Variants in KSR2 observed in about 807,000 individuals in gnomAD.
KSR2 encodes kinase suppressor of ras 2.
In KSR2, 25 loss-of-function variants were observed where a neutral mutation model predicts 107.8. That is an observed-to-expected ratio of 0.23 (90% CI 0.17 to 0.32). The LOEUF is 0.32. Among genes scored for constraint, KSR2 ranks in the 10% least tolerant of loss-of-function variants. The probability of loss-of-function intolerance (pLI) is 1.00; values close to 1 mark genes in which losing one functional copy is unlikely to be tolerated. For synonymous variants in KSR2, 480 were observed against 507.0 expected (o/e 0.95, Z 0.71); for missense variants, 887 against 1,268.9 (o/e 0.70, Z 4.57).
chr12:117,563,010 G>A (rs1306014110), intron 7 of KSR2, among the ~76,000 whole-genome samples: 1 of 152,166 alleles, frequency 6.6e-6, no homozygotes, highest in Non-Finnish European at 1.5e-5. Context: ...GGAGACAGAG[G>A]GAAGAGGGAC....
At chr12:117,595,969 A>C (rs10129056) in intron 5 of KSR2, among the ~76,000 whole-genome samples, 4 of 151,864 alleles carry the variant, frequency 2.6e-5, no homozygotes, top group Non-Finnish European at 5.9e-5. Flanking sequence ...GACATAGGAA[A>C]GAAGGGCTGA....
At chr12:117,782,313 G>A (rs1274031121) in intron 3 of KSR2, among the ~76,000 whole-genome samples, 1 of 152,174 alleles carries the variant, frequency 6.6e-6, no homozygotes, top group African/African-American at 2.4e-5. Context: ...GCCCAGGCTG[G>A]AGTGCAGTGG....
Position 117,959,885 on chromosome 12 carries a change from A to G in KSR2, c.180+8191T>C, listed in dbSNP as rs533331901. On this transcript the variant is annotated intron_variant, in intron 1 of 19. Coordinates refer to ENST00000339824, the MANE Select transcript of KSR2 (RefSeq NM_173598.6). ...GGTCGAGGCTTCAGTGAGCCATGAC[A>G]GTGCCACTGCACTGCAGCCTGGGTG... 2.0e-5 allele frequency among the ~76,000 whole-genome samples: 3 copies of G among 150,944 alleles called. No individual in the cohort carries two copies. The East Asian group carries it at 6.0e-4, about 30-fold the overall frequency.
chr12:117,777,167 T>C (rs1448313017), intron 3 of KSR2, among the ~76,000 whole-genome samples: 2 of 124,828 alleles, frequency 1.6e-5, no homozygotes, highest in African/African-American at 6.3e-5. Context: ...ACACCATACA[T>C]ATATACACTA....
At chr12:117,485,750 AACAGTTACT>A in intron 14 of KSR2, 59 bp from the exon 15 acceptor site, 1 of 1,141,824 alleles carries the variant, frequency 8.8e-7, no homozygotes. Context: ...GGTGACCCAC[AACAGTTACT>A]ACAAGTGACA....
Position 117,962,570 on chromosome 12 carries a change from G to A in KSR2, c.180+5506C>T, listed in dbSNP as rs61945418. Among the ~76,000 whole-genome samples the A allele has an allele frequency of 1.4e-4, 21 of 151,386 alleles. No homozygotes were observed. In the East Asian group the frequency reaches 1.8e-3, roughly 13 times the overall value. On this transcript the variant is annotated intron_variant, in intron 1 of 19. Transcript: ENST00000339824. ...AGTGATTCTCCTGCCTTAGCCTCCCGAGTAGTTGGGATTACAGGTACCCGC... is the reference window on the plus strand; with the variant it reads ...AGTGATTCTCCTGCCTTAGCCTCCCAAGTAGTTGGGATTACAGGTACCCGC...
intron 5 of KSR2, among the ~76,000 whole-genome samples, chr12:117,587,842 G>C (rs1880100307): frequency 1.3e-5 from 2 of 152,140 alleles, no homozygotes; most frequent in Non-Finnish European, 2.9e-5. Context: ...ACGCTGTGCT[G>C]GGCAGTATGC....
chr12:117,860,881 G>T (rs1893268564), intron 1 of KSR2, among the ~76,000 whole-genome samples: 1 of 152,164 alleles, frequency 6.6e-6, no homozygotes, highest in South Asian at 2.1e-4. Context: ...ACCATGCCTG[G>T]CTAATTTTTG....
intron 4 of KSR2, among the ~76,000 whole-genome samples, chr12:117,720,732 C>G (rs1388773466): frequency 2.0e-5 from 3 of 152,140 alleles, no homozygotes; most frequent in Non-Finnish European, 4.4e-5. Flanking sequence ...GGTCCCTATT[C>G]TTGACAAGGG....
chr12:117,809,736 T>C (rs984001786), intron 3 of KSR2, among the ~76,000 whole-genome samples: 8 of 152,210 alleles, frequency 5.3e-5, no homozygotes. Context: ...GTCCATTTTG[T>C]TCTCTGCTGT....
intron 5 of KSR2, among the ~76,000 whole-genome samples, chr12:117,658,789 C>T (rs1884295898): frequency 6.6e-6 from 1 of 152,084 alleles, no homozygotes; most frequent in Non-Finnish European, 1.5e-5. Flanking sequence ...TTGAAACAAA[C>T]CCAACCCCCC....
At chr12:117,820,055 G>GTTTTCTTTT (rs1463894838) in intron 3 of KSR2, among the ~76,000 whole-genome samples, 2 of 152,126 alleles carry the variant, frequency 1.3e-5, no homozygotes, top group East Asian at 3.8e-4. Flanking sequence ...GGGTGATTTG[G>GTTTTCTTTT]TTTTCTTTTT....
intron 3 of KSR2, among the ~76,000 whole-genome samples, chr12:117,829,503 T>C (rs533201249): frequency 6.6e-6 from 1 of 152,328 alleles, no homozygotes; most frequent in South Asian, 2.1e-4. Context: ...GTACCTAACA[T>C]GGGGCTTGGC....
chr12:117,456,307 G>C lies in KSR2; in HGVS notation c.*10892C>G, dbSNP rs1011832564. 2 of 152,308 alleles carry C rather than the reference G, an allele frequency of 1.3e-5. No homozygotes were observed. The highest frequency in any genetic ancestry group is 2.9e-5 in the Non-Finnish European group (2 of 68,174). 9.4% of individuals were successfully genotyped at this position (152,308 alleles called of 1,614,324 possible). A position where few individuals can be genotyped will look rare whatever the true frequency, so the allele number is the denominator to read the frequency against. On this transcript the variant is annotated 3_prime_UTR_variant, in exon 20 of 20. Transcript: ENST00000339824. ...CCTAGAAGGCTGGCTAGGAGGGAAAGGGGGCCGGGGCAGGGGGCCTCGGTG... is the reference window on the plus strand; with the variant it reads ...CCTAGAAGGCTGGCTAGGAGGGAAACGGGGCCGGGGCAGGGGGCCTCGGTG...
At chr12:117,515,378 A>G (rs1288100141) in intron 14 of KSR2, among the ~76,000 whole-genome samples, 1 of 152,184 alleles carries the variant, frequency 6.6e-6, no homozygotes, top group East Asian at 1.9e-4. Context: ...CTGCTGCTAC[A>G]CTTGCCTAGA....
At position 117,761,162 on chromosome 12, in the gene KSR2, T is replaced by A. The variant is rs1888995874; in HGVS notation, c.835A>T (p.Met279Leu). 1.2e-6 allele frequency: 2 copies of A among 1,604,084 alleles called. No individual in the cohort carries two copies. Among genetic ancestry groups the A allele is most frequent in the Admixed American group, 1.7e-5 (1 of 59,210 alleles). Reference sequence around the variant, plus strand: ...GGCTTCAGCTTGTTCTTCTTCCTCATGGGCGGCGTGCCCGGCGGGGTCACG... The same window carrying A: ...GGCTTCAGCTTGTTCTTCTTCCTCAAGGGCGGCGTGCCCGGCGGGGTCACG... ...TTVTPPGTPPMRKKNKLKPPG... is the reference protein window; with the variant it reads ...TTVTPPGTPPLRKKNKLKPPG... The change falls in exon 4 of 20, where the codon ATG (methionine) becomes TTG (leucine). Residue 279 changes from methionine (M) to leucine (L), a missense_variant. Physicochemically the swap from Met to Leu is conservative, Grantham distance 15 (BLOSUM62 2). Transcript: ENST00000339824.
intron 4 of KSR2, among the ~76,000 whole-genome samples, chr12:117,693,894 C>T (rs1014141639): frequency 1.3e-5 from 2 of 152,186 alleles, no homozygotes; most frequent in Admixed American, 6.5e-5. Flanking sequence ...GACGCCTATG[C>T]CCTTAAGCTA....
chr12:117,661,788 C>T (rs1884441723), intron 5 of KSR2, among the ~76,000 whole-genome samples: 1 of 152,056 alleles, frequency 6.6e-6, no homozygotes, highest in Non-Finnish European at 1.5e-5. Flanking sequence ...CTTGGAGAAC[C>T]CCCGGTAGAA....
intron 5 of KSR2, among the ~76,000 whole-genome samples, chr12:117,663,409 G>C (rs1287432695): frequency 6.6e-6 from 1 of 152,166 alleles, no homozygotes; most frequent in Non-Finnish European, 1.5e-5. Context: ...AAAGTGAACT[G>C]CTTTGTGCAA....
Sources: allele counts gnomAD v4.1 joint callset (sites outside exome capture counted in the v4.1 genomes callset), GRCh38; gene constraint gnomAD v4.1.1; transcripts MANE v1.5; gene names NCBI Gene and HGNC (gene_info 2026-07-23, HGNC 2026-07-21).